Variants in SLC12A9 observed in about 807,000 individuals in gnomAD.
SLC12A9 encodes solute carrier family 12 member 9.
A neutral mutation model predicts 66.0 loss-of-function variants in SLC12A9; 55 were observed. The ratio of observed to expected loss-of-function variants is 0.83; its 90% CI spans 0.67 to 1.04. The LOEUF is 1.04. SLC12A9 is among the 50% of genes least tolerant of loss of function. The pLI is 0.00. For synonymous variants in SLC12A9, 577 were observed against 569.0 expected (o/e 1.01, Z -0.20); for missense variants, 1,061 against 1,241.9 (o/e 0.85, Z 2.19).
chr7:100,852,181 G>C (rs1562986907), upstream of SLC12A9, among the ~76,000 whole-genome samples: 1 of 152,240 alleles, frequency 6.6e-6, no homozygotes, highest in Non-Finnish European at 1.5e-5. Flanking sequence ...GCGACCCTGG[G>C]CCCAGATCGG....
chr7:100,858,867 G>A lies in SLC12A9; in HGVS notation c.790G>A (p.Val264Met), dbSNP rs373781782. ...GYAEDYTTGA[V>M]MNFASVFAVL... is the part of the protein sequence containing the mutation. ...TGCTGAGGACTACACCACGGGAGCCGTGATGAATTTTGCCAGCGTCTTTGC... is the reference window on the plus strand; with the variant it reads ...TGCTGAGGACTACACCACGGGAGCCATGATGAATTTTGCCAGCGTCTTTGC... The change falls in exon 6 of 14, where the codon GTG becomes ATG. Residue 264 changes from valine (V) to methionine (M), a missense_variant. By Grantham distance (21) the Val-to-Met change is conservative (BLOSUM62 1). Coordinates refer to ENST00000354161, the MANE Select transcript of SLC12A9 (RefSeq NM_020246.4). 6.2e-6 allele frequency: 10 copies of A among 1,614,088 alleles called. No homozygotes were observed. Among genetic ancestry groups the A allele is most frequent in the South Asian group, 1.1e-5 (1 of 91,096 alleles).
Position 100,866,098 on chromosome 7 carries a change from C to T in SLC12A9, c.2238C>T (p.Leu746=). The change falls in exon 14 of 14, where the codon CTC becomes CTT. Residue 746 remains leucine (L), a synonymous_variant. Transcript: ENST00000354161. This position sits in a 1 kb window ranked among gnomAD's most constrained non-coding sequence, Gnocchi z 7.3. ...GGPGYVDVCG[L]FLLQMATILG... is the part of the protein sequence containing the mutation. Reference sequence around the variant, plus strand: ...CCGGCTATGTGGATGTCTGCGGCCTCTTCCTGCTGCAGATGGCAACCATCT... The same window carrying T: ...CCGGCTATGTGGATGTCTGCGGCCTTTTCCTGCTGCAGATGGCAACCATCT... 1 of 1,613,064 alleles carries T rather than the reference C, an allele frequency of 6.2e-7. No individual in the cohort carries two copies. The highest frequency in any genetic ancestry group is 8.5e-7 in the Non-Finnish European group (1 of 1,179,882).
chr7:100,833,683 C>A (rs1427824438), intron 1 of SLC12A9, among the ~76,000 whole-genome samples: 3 of 151,696 alleles, frequency 2.0e-5, no homozygotes, highest in African/African-American at 7.3e-5. Flanking sequence ...ACCTATAATC[C>A]CAGCACTTTG....
At chr7:100,850,255 CTTTCT>C (rs201971489), upstream of SLC12A9, among the ~76,000 whole-genome samples, 35,220 of 124,790 alleles carry the variant, frequency 0.28, 4,621 homozygotes, top group East Asian at 0.51. Context: ...CCTTTTCTTT[CTTTCT>C]TTTTTTTTTT....
intron 1 of SLC12A9, among the ~76,000 whole-genome samples, chr7:100,827,835 G>A (rs1426761769): frequency 6.6e-6 from 1 of 152,188 alleles, no homozygotes; most frequent in African/African-American, 2.4e-5. Flanking sequence ...GCCCGAACCC[G>A]GCTGGCACCA....
chr7:100,827,176 G>A (rs555390427), intron 1 of SLC12A9: 17 of 750,508 alleles, frequency 2.3e-5, no homozygotes, highest in Admixed American at 4.2e-5. Context: ...CGAGCGTGCG[G>A]GGCACCGGGC....
At chr7:100,848,083 C>CAAAAAAAAAAAAA (rs36071720), upstream of SLC12A9, among the ~76,000 whole-genome samples, 3 of 43,922 alleles carry the variant, frequency 6.8e-5, no homozygotes, top group East Asian at 7.6e-4. Flanking sequence ...GACTCCATCT[C>CAAAAAAAAAAAAA]AAAAAAAAAA....
Position 100,861,947 on chromosome 7 carries a change from C to T in SLC12A9, c.1711+36C>T. ...CTCCCACTCACTCACTCACTCCCAT[C>T]CTTCTCTCCCCCTACCTTTTTTTTT... On this transcript the variant is annotated intron_variant, in intron 12 of 13. Coordinates refer to ENST00000354161, the MANE Select transcript of SLC12A9 (RefSeq NM_020246.4). This position sits in a 1 kb window ranked among gnomAD's most constrained non-coding sequence, Gnocchi z 5.3. The T allele has an allele frequency of 6.6e-7, 1 of 1,515,628 alleles. No individual in the cohort carries two copies. The highest frequency in any genetic ancestry group is 8.8e-7 in the Non-Finnish European group (1 of 1,133,384). 93.9% of individuals were successfully genotyped at this position (1,515,628 alleles called of 1,614,324 possible). A position where few individuals can be genotyped will look rare whatever the true frequency, so the allele number is the denominator to read the frequency against.
At chr7:100,859,271 T>TG in intron 7 of SLC12A9, 110 bp downstream of exon 7, 1 of 1,053,528 alleles carries the variant, frequency 9.5e-7, no homozygotes, top group Non-Finnish European at 1.4e-6. Flanking sequence ...CTTGTTGGGG[T>TG]GGAGGGTGGC....
At chr7:100,841,903 C>T (rs1813799202) in intron 1 of SLC12A9, among the ~76,000 whole-genome samples, 1 of 152,140 alleles carries the variant, frequency 6.6e-6, no homozygotes, top group African/African-American at 2.4e-5. Context: ...AACAAAAAGA[C>T]ATTTTCTTAA....
intron 1 of SLC12A9, among the ~76,000 whole-genome samples, chr7:100,839,337 A>G (rs1206885707): frequency 6.6e-6 from 1 of 151,620 alleles, no homozygotes; most frequent in African/African-American, 2.4e-5. Context: ...AAAAAAAAAG[A>G]CAGGAATTGC....
At position 100,843,513 on chromosome 7, in the gene SLC12A9, AG is replaced by A. The variant is rs566493550; in HGVS notation, n.229-16370del. 4.1e-4 allele frequency among the ~76,000 whole-genome samples: 62 copies of A among 152,326 alleles called. No individual in the cohort carries two copies. In the South Asian group the frequency reaches 0.011, roughly 28 times the overall value. On this transcript the variant is annotated intron_variant and non_coding_transcript_variant, in intron 1 of 1. Transcript: ENST00000461016. ...CCCTACGTGTCAGAAAGAGAAAAAA[AG>A]GCAGTTAGAGTTTTAACCCAGACTG... is the stretch of plus-strand genomic sequence containing the variant.
At chr7:100,827,758 GC>G (rs1813455421) in intron 1 of SLC12A9, among the ~76,000 whole-genome samples, 1 of 152,198 alleles carries the variant, frequency 6.6e-6, no homozygotes, top group Admixed American at 6.5e-5. Flanking sequence ...CCAGATGTGC[GC>G]CGTGGCGGTG....
At chr7:100,856,618 G>T in intron 4 of SLC12A9, 1 of 464,128 alleles carries the variant, frequency 2.2e-6, no homozygotes. Flanking sequence ...GGGCTCATGC[G>T]ATTCTCCCAC....
At position 100,860,196 on chromosome 7, in the gene SLC12A9, C is replaced by T. The variant is rs1814659543; in HGVS notation, c.1182C>T (p.Pro394=). 6.2e-7 allele frequency: 1 copy of T among 1,614,098 alleles called. No individual in the cohort carries two copies. Among genetic ancestry groups the T allele is most frequent in the South Asian group, 1.1e-5 (1 of 91,092 alleles). Residue 394 remains proline, a synonymous_variant, in exon 9 of 14, where the codon CCC becomes CCT. Coordinates refer to ENST00000354161, the MANE Select transcript of SLC12A9 (RefSeq NM_020246.4). ...PAKVVSRGGN[P]WAAVLYSWGL... ...AGGTTGTGTCCCGAGGGGGAAACCCCTGGGCAGCTGTACTTTATTCTTGGG... is the reference window on the plus strand; with the variant it reads ...AGGTTGTGTCCCGAGGGGGAAACCCTTGGGCAGCTGTACTTTATTCTTGGG...
At position 100,862,673 on chromosome 7, in the gene SLC12A9, C is replaced by G; in HGVS notation, c.1712-8C>G. 6.2e-7 allele frequency: 1 copy of G among 1,614,048 alleles called. No individual in the cohort carries two copies. The highest frequency in any genetic ancestry group is 8.5e-7 in the Non-Finnish European group (1 of 1,179,914). On this transcript the variant is annotated splice_polypyrimidine_tract_variant and splice_region_variant and intron_variant, in intron 12 of 13. Coordinates refer to ENST00000354161, the MANE Select transcript of SLC12A9 (RefSeq NM_020246.4). ...CTGGCTACCTTCCTTTCCTTATCTT[C>G]TCTGTAGACTCCCTGCCCTCGGACC...
At chr7:100,865,309 G>A (rs1472924844) in intron 13 of SLC12A9, 4 of 1,535,646 alleles carry the variant, frequency 2.6e-6, no homozygotes, top group Non-Finnish European at 3.5e-6. Context: ...TATTACCCTG[G>A]GGATTCAGGT....
In SLC12A9 at chr7:100,854,206, C is replaced by T. The variant is rs145131568; in HGVS notation, c.9C>T (p.Ser3=). Residue 3 remains serine, a synonymous_variant, in exon 2 of 14, where the codon AGC becomes AGT. Coordinates refer to ENST00000354161, the MANE Select transcript of SLC12A9 (RefSeq NM_020246.4). ...TCTACCTGTGCTCAGCCATGGCCAG[C>T]GAGAGCTCACCTCTGCTGGCCTACC... MA[S]ESSPLLAYRL... The T allele has an allele frequency of 8.3e-6, 13 of 1,565,160 alleles. No individual in the cohort carries two copies. The highest frequency in any genetic ancestry group is 4.2e-5 in the African/African-American group (3 of 71,938).
chr7:100,859,441 T>C, intron 7 of SLC12A9: 1 of 441,878 alleles, frequency 2.3e-6, no homozygotes, highest in African/African-American at 2.0e-5. Context: ...GACAGCCGGG[T>C]GCGGTGGCTC....
Sources: allele counts gnomAD v4.1 joint callset (sites outside exome capture counted in the v4.1 genomes callset), GRCh38; gene constraint gnomAD v4.1.1; non-coding constraint Gnocchi (gnomAD v3.1); transcripts MANE v1.5; gene names NCBI Gene and HGNC (gene_info 2026-07-23, HGNC 2026-07-21).